Variants in MANBA observed in about 807,000 individuals in gnomAD.
MANBA encodes the protein mannosidase beta, also known as beta-mannosidase.
A neutral mutation model predicts 111.1 loss-of-function variants in MANBA; 83 were observed. That is an observed-to-expected ratio of 0.75 (90% confidence interval 0.63 to 0.90). The LOEUF is 0.90. MANBA is among the 40% of genes least tolerant of loss of function. The pLI, the probability that MANBA is intolerant of heterozygous loss-of-function variation, is 0.00. For synonymous variants in MANBA, 370 were observed against 378.7 expected (o/e 0.98, Z 0.27); for missense variants, 1,036 against 1,069.0 (o/e 0.97, Z 0.43).
chr4:102,673,309 C>G (rs1230310512), intron 8 of MANBA, among the ~76,000 whole-genome samples: 1 of 152,060 alleles, frequency 6.6e-6, no homozygotes, highest in Non-Finnish European at 1.5e-5. Context: ...GAGTTCAAGA[C>G]CAGCCTGGCC....
intron 1 of MANBA, among the ~76,000 whole-genome samples, chr4:102,747,609 C>G (rs1723636566): frequency 6.6e-6 from 1 of 152,182 alleles, no homozygotes; most frequent in African/African-American, 2.4e-5. Flanking sequence ...TCAGTTTCTC[C>G]TCTGTCAAAT....
Position 102,638,271 on chromosome 4 carries a change from C to T in MANBA, c.2014+1442G>A, listed in dbSNP as rs1046615557. Among the ~76,000 whole-genome samples the T allele has an allele frequency of 2.0e-5, 3 of 151,838 alleles. No individual in the cohort carries two copies. In the South Asian group the frequency reaches 6.3e-4, roughly 32 times the overall value. ...AAACCCTGTCTCCAGAAAAAAAATA[C>T]AAAAATGAGCCAGGCATGGTGGTAT... On this transcript the variant is annotated intron_variant, in intron 14 of 16. Coordinates refer to ENST00000647097, the MANE Select transcript of MANBA (RefSeq NM_005908.4).
At chr4:102,669,163 G>C (rs1731374225) in intron 9 of MANBA, 114 bp from the exon 10 acceptor site, 1 of 830,148 alleles carries the variant, frequency 1.2e-6, no homozygotes, top group African/African-American at 1.7e-5. Flanking sequence ...AATCCAGTTA[G>C]CCTGATGAGT....
rs139356459 is a variant in MANBA, at chr4:102,746,423, A to C, written c.177+14295T>G. On this transcript the variant is annotated intron_variant, in intron 1 of 16. Coordinates refer to ENST00000647097, the MANE Select transcript of MANBA (RefSeq NM_005908.4). ...TAATCTAGCAGGTGTGAGGCTCAGT[A>C]CTACTTCTGAAGCTGAAAATGAATC... 6.6e-3 allele frequency among the ~76,000 whole-genome samples: 998 copies of C among 152,296 alleles called. 8 individuals carry two copies. Among genetic ancestry groups the C allele is most frequent in the South Asian group, 0.011 (55 of 4,834 alleles).
rs1335559712 is a variant in MANBA, at chr4:102,634,910, T to G, written c.2293A>C (p.Thr765Pro). The change falls in exon 16 of 17, where the codon ACA becomes CCA. Residue 765 changes from threonine (T) to proline (P), a missense_variant. By Grantham distance (38) the Thr-to-Pro change is conservative. Coordinates refer to ENST00000647097, the MANE Select transcript of MANBA (RefSeq NM_005908.4). The stretch of plus-strand genomic sequence containing the variant: ...AAGGAAACCACACAGCTTTCCCGTG[T>G]GCAATTCCCACATCTCCTCAGCAAT... ...SELLRRCGNC[T>P]RESCVVSFYL... 1 of 1,614,108 alleles carries G rather than the reference T, an allele frequency of 6.2e-7. No homozygotes were observed. The highest frequency in any genetic ancestry group is 8.5e-7 in the Non-Finnish European group (1 of 1,180,056).
In MANBA at chr4:102,650,672, A is replaced by G; in HGVS notation, c.1734T>C (p.Asn578=). 5.6e-6 allele frequency: 9 copies of G among 1,613,384 alleles called. No homozygotes were observed. Among genetic ancestry groups the G allele is most frequent in the Non-Finnish European group, 7.6e-6 (9 of 1,179,392 alleles). ...GTTGTCGATGAAGTGAAAACTTGCT[A>G]TTGAAAGACCAGTCCTCTGTAGACG... ...KVSSTEDWSF[N]SKFSLHRQHH... is the part of the protein sequence containing the mutation. The change falls in exon 13 of 17, where the codon AAT becomes AAC. Residue 578 remains asparagine, a synonymous_variant. Transcript: ENST00000647097.
chr4:102,677,609 T>C (rs945956025), intron 7 of MANBA, among the ~76,000 whole-genome samples: 6 of 152,166 alleles, frequency 3.9e-5, no homozygotes, highest in Non-Finnish European at 8.8e-5. Context: ...AAAACTATCA[T>C]TGGTTAAAAG....
chr4:102,699,314 T>C (rs1268200352), intron 5 of MANBA, among the ~76,000 whole-genome samples: 1 of 150,934 alleles, frequency 6.6e-6, no homozygotes, highest in Non-Finnish European at 1.5e-5. Context: ...CAGGGACAAT[T>C]TGACTTCCTC....
At chr4:102,647,623 T>C (rs1319905770) in intron 13 of MANBA, among the ~76,000 whole-genome samples, 4 of 152,034 alleles carry the variant, frequency 2.6e-5, no homozygotes, top group African/African-American at 7.2e-5. Flanking sequence ...TAACAGAGTA[T>C]TATCTGTGGA....
intron 1 of MANBA, among the ~76,000 whole-genome samples, chr4:102,757,587 T>C (rs1724078012): frequency 6.6e-6 from 1 of 152,180 alleles, no homozygotes; most frequent in South Asian, 2.1e-4. Flanking sequence ...ATCCTCTTGT[T>C]TCTACATGTA....
chr4:102,700,463 T>A (rs1315044982), intron 5 of MANBA, among the ~76,000 whole-genome samples: 1 of 152,186 alleles, frequency 6.6e-6, no homozygotes, highest in African/African-American at 2.4e-5. Flanking sequence ...GGTGTCAATT[T>A]TGGATCTTTC....
At position 102,659,939 on chromosome 4, in the gene MANBA, T is replaced by C. The variant is rs182740032; in HGVS notation, c.1486-2039A>G. Among the ~76,000 whole-genome samples the C allele has an allele frequency of 2.3e-3, 348 of 152,116 alleles. 1 individual carries two copies. Among genetic ancestry groups the C allele is most frequent in the African/African-American group, 8.2e-3 (339 of 41,500 alleles). On this transcript the variant is annotated intron_variant, in intron 11 of 16. Transcript: ENST00000647097. ...CCTCTCCATCCCCAGATGGACACTC[T>C]ACCTCTCTCTCAGGCTTCTCCTTGT... is the stretch of plus-strand genomic sequence containing the variant.
In MANBA at chr4:102,636,047, G is replaced by A. The variant is rs183279136; in HGVS notation, c.2015-40C>T. 1.8e-4 allele frequency: 293 copies of A among 1,591,888 alleles called. 2 individuals carry two copies. In the African/African-American group the frequency reaches 3.5e-3, roughly 19 times the overall value. ...GAGTGTCAGGAGACGGCAAGGTCAA[G>A]TAGTCAGAGAGGCACTGTCCAATGG... On this transcript the variant is annotated intron_variant, in intron 14 of 16. Transcript: ENST00000647097.
intron 5 of MANBA, among the ~76,000 whole-genome samples, chr4:102,694,589 C>T (rs1732623369): frequency 6.6e-6 from 1 of 152,104 alleles, no homozygotes; most frequent in Non-Finnish European, 1.5e-5. Flanking sequence ...ATCACCAGCT[C>T]TCCTGAAGTA....
chr4:102,634,224 A>G (rs993359152), intron 16 of MANBA, among the ~76,000 whole-genome samples: 3 of 152,200 alleles, frequency 2.0e-5, no homozygotes, highest in African/African-American at 7.2e-5. Context: ...CCATTTTTAT[A>G]TCTTGGCAAT....
intron 12 of MANBA, among the ~76,000 whole-genome samples, chr4:102,654,271 G>A (rs796972212): frequency 1.3e-5 from 2 of 152,082 alleles, no homozygotes; most frequent in African/African-American, 4.8e-5. Context: ...TGAAACAACA[G>A]TATTCCCAAA....
chr4:102,694,079 A>G (rs1017590717), intron 5 of MANBA, among the ~76,000 whole-genome samples: 2 of 152,168 alleles, frequency 1.3e-5, no homozygotes, highest in African/African-American at 4.8e-5. Context: ...GAAAACAAAT[A>G]ATGCAATCCT....
intron 1 of MANBA, among the ~76,000 whole-genome samples, chr4:102,750,127 T>G (rs1211873890): frequency 6.6e-6 from 1 of 152,228 alleles, no homozygotes; most frequent in African/African-American, 2.4e-5. Context: ...GCAGAGTCAT[T>G]AGCTATTTTA....
At chr4:102,657,512 T>C (rs1230414865) in intron 12 of MANBA, among the ~76,000 whole-genome samples, 170 bp downstream of exon 12, 1 of 152,192 alleles carries the variant, frequency 6.6e-6, no homozygotes, top group Non-Finnish European at 1.5e-5. Flanking sequence ...AAAAGCAATA[T>C]AGAAAAGTAA....
Sources: allele counts gnomAD v4.1 joint callset (sites outside exome capture counted in the v4.1 genomes callset), GRCh38; gene constraint gnomAD v4.1.1; transcripts MANE v1.5; gene names NCBI Gene and HGNC (gene_info 2026-07-23, HGNC 2026-07-21).